The following CADPS2 variants were observed in gnomAD, a reference collection of about 807,000 sequenced individuals.
CADPS2 encodes calcium dependent secretion activator 2.
In CADPS2, 93 loss-of-function variants were observed where a neutral mutation model predicts 172.5. That is an observed-to-expected ratio of 0.54 (90% CI 0.46 to 0.64). The LOEUF is 0.64. CADPS2 is among the 30% of genes least tolerant of loss of function. The probability of loss-of-function intolerance (pLI) is 0.00; values close to 1 mark genes in which losing one functional copy is unlikely to be tolerated. For missense variants in CADPS2, 1,420 were observed against 1,565.9 expected (o/e 0.91, Z 1.57); for synonymous variants, 546 against 555.2 (o/e 0.98, Z 0.23).
intron 3 of CADPS2, among the ~76,000 whole-genome samples, chr7:122,631,996 C>G (rs1414458347): frequency 1.3e-5 from 2 of 152,050 alleles, no homozygotes; most frequent in African/African-American, 4.8e-5. Flanking sequence ...CCAGCTGCAT[C>G]GACATTGCTG....
At chr7:122,854,445 G>C (rs1168088406) in intron 1 of CADPS2, among the ~76,000 whole-genome samples, 1 of 152,184 alleles carries the variant, frequency 6.6e-6, no homozygotes, top group African/African-American at 2.4e-5. Flanking sequence ...AGTCAAAGAA[G>C]AGGAAGCAGA....
chr7:122,834,477 C>T (rs1257707838), intron 1 of CADPS2, among the ~76,000 whole-genome samples: 1 of 152,148 alleles, frequency 6.6e-6, no homozygotes, highest in Non-Finnish European at 1.5e-5. Flanking sequence ...AGATCCGAAG[C>T]AGGGTGAGGC....
intron 6 of CADPS2, among the ~76,000 whole-genome samples, chr7:122,591,462 T>A (rs1297920617): frequency 1.3e-5 from 2 of 152,130 alleles, no homozygotes; most frequent in Non-Finnish European, 2.9e-5. Flanking sequence ...CCAATGACTT[T>A]CTTCACAGAA....
intron 1 of CADPS2, among the ~76,000 whole-genome samples, chr7:122,777,389 A>G (rs773297053): frequency 6.6e-6 from 1 of 152,112 alleles, no homozygotes; most frequent in Non-Finnish European, 1.5e-5. Context: ...GCAACAAGAG[A>G]AAAAGGCGAC....
intron 1 of CADPS2, among the ~76,000 whole-genome samples, chr7:122,801,267 G>A (rs959356801): frequency 4.6e-5 from 7 of 152,012 alleles, no homozygotes; most frequent in South Asian, 4.1e-4. Context: ...GCCAATGTAC[G>A]TTATAAGAAA....
At chr7:122,814,815 A>C (rs778664478) in intron 1 of CADPS2, among the ~76,000 whole-genome samples, 43 of 152,282 alleles carry the variant, frequency 2.8e-4, no homozygotes, top group Admixed American at 9.2e-4. Flanking sequence ...TATTTTATTG[A>C]GAAGAATTAC....
At chr7:122,590,979 A>G (rs1339203146) in intron 6 of CADPS2, among the ~76,000 whole-genome samples, 1 of 152,016 alleles carries the variant, frequency 6.6e-6, no homozygotes, top group Non-Finnish European at 1.5e-5. Context: ...TAATGTTTAT[A>G]GAAACTGCCT....
At chr7:122,707,705 G>A (rs1460817627) in intron 2 of CADPS2, among the ~76,000 whole-genome samples, 1 of 151,580 alleles carries the variant, frequency 6.6e-6, no homozygotes, top group Non-Finnish European at 1.5e-5. Context: ...TGACTCTAAA[G>A]TACCTCACTG....
intron 8 of CADPS2, among the ~76,000 whole-genome samples, chr7:122,527,580 A>AAGAGAGAGAGAGAGAGAGAGAGAG (rs1192583104): frequency 1.2e-5 from 1 of 85,460 alleles, no homozygotes; most frequent in Non-Finnish European, 2.7e-5. Flanking sequence ...GATAATACTG[A>AAGAGAGAGAGAGAGAGAGAGAGAG]ATAGAGAGAG....
intron 8 of CADPS2, among the ~76,000 whole-genome samples, chr7:122,527,603 AGAGAGAGAGAGAGAGTGTGT>A (rs1353694667): frequency 8.2e-6 from 1 of 122,238 alleles, no homozygotes; most frequent in African/African-American, 3.2e-5. Flanking sequence ...AGAGAGAGAG[AGAGAGAGAGAGAGAGTGTGT>A]GTGTGTGTGT....
rs182566250 is a variant in CADPS2, at chr7:122,756,251, T to C, written c.340-19183A>G. ...ATATATATATTGGTATGTACCAAGTTTATGAATTCAAAACAAAAATCCAAC... is the reference window on the plus strand; with the variant it reads ...ATATATATATTGGTATGTACCAAGTCTATGAATTCAAAACAAAAATCCAAC... On this transcript the variant is annotated intron_variant, in intron 1 of 29. Transcript: ENST00000449022. Among the ~76,000 whole-genome samples the C allele has an allele frequency of 2.6e-5, 4 of 152,302 alleles. No individual in the cohort carries two copies. The East Asian group carries it at 7.7e-4, about 29-fold the overall frequency.
chr7:122,415,752 G>A (rs912863207), intron 18 of CADPS2, among the ~76,000 whole-genome samples: 1 of 152,114 alleles, frequency 6.6e-6, no homozygotes, highest in Non-Finnish European at 1.5e-5. Context: ...TTCAATAACT[G>A]ATGAGCTAAT....
intron 1 of CADPS2, among the ~76,000 whole-genome samples, chr7:122,817,994 G>A (rs35508723): frequency 0.25 from 27,126 of 107,512 alleles, 2,757 homozygotes; most frequent in Middle Eastern, 0.39. Context: ...TCCATGCCCC[G>A]ACCCCTTATT....
At chr7:122,680,883 T>A (rs2082953137) in intron 2 of CADPS2, among the ~76,000 whole-genome samples, 2 of 151,868 alleles carry the variant, frequency 1.3e-5, no homozygotes, top group Non-Finnish European at 2.9e-5. Context: ...CCAACCCAAA[T>A]GTCCAACAAT....
At chr7:122,679,183 A>G (rs1588358475) in intron 2 of CADPS2, among the ~76,000 whole-genome samples, 1 of 150,412 alleles carries the variant, frequency 6.6e-6, no homozygotes, top group East Asian at 2.0e-4. Context: ...TATTACCGAA[A>G]ACAGGTAAGA....
chr7:122,780,764 TC>T (rs1309283170), intron 1 of CADPS2, among the ~76,000 whole-genome samples: 1 of 152,222 alleles, frequency 6.6e-6, no homozygotes, highest in East Asian at 1.9e-4. Context: ...CACCTCAGCC[TC>T]CCAAAGTGTT....
In CADPS2 at chr7:122,886,067, CGAA is replaced by C; in HGVS notation, c.268_270del (p.Phe90del). ...AAGGGGTACGCGATGCACCTCACGACGAAGACGTAGAGCTGCAGGCGGATCCTC... is the reference window on the plus strand; with the variant it reads ...AAGGGGTACGCGATGCACCTCACGACGACGTAGAGCTGCAGGCGGATCCTC... On this transcript the variant is annotated inframe_deletion, in exon 1 of 30. Coordinates refer to ENST00000449022, the MANE Select transcript of CADPS2 (RefSeq NM_017954.11). 2 of 1,603,452 alleles carry C rather than the reference CGAA, an allele frequency of 1.2e-6. No homozygotes were observed. Among genetic ancestry groups the C allele is most frequent in the Non-Finnish European group, 1.7e-6 (2 of 1,175,424 alleles).
chr7:122,722,407 C>CA (rs1203887867), intron 2 of CADPS2, among the ~76,000 whole-genome samples: 7,446 of 151,290 alleles, frequency 0.049, 621 homozygotes, highest in African/African-American at 0.17. Context: ...AACAGACAAA[C>CA]AGAGAGCCAA....
intron 8 of CADPS2, among the ~76,000 whole-genome samples, chr7:122,534,585 C>T (rs1489012788): frequency 6.6e-6 from 1 of 151,956 alleles, no homozygotes; most frequent in African/African-American, 2.4e-5. Flanking sequence ...ATTTTATGTC[C>T]TAACTCAAGA....
Sources: allele counts gnomAD v4.1 joint callset (sites outside exome capture counted in the v4.1 genomes callset), GRCh38; gene constraint gnomAD v4.1.1; transcripts MANE v1.5; gene names NCBI Gene and HGNC (gene_info 2026-07-23, HGNC 2026-07-21).